RHPN2: variants seen among roughly 807,000 people sequenced by gnomAD.
The protein encoded by RHPN2 is rhophilin-2.
In RHPN2, 40 loss-of-function variants were observed where a neutral mutation model predicts 79.0. That is an observed-to-expected ratio of 0.51 (90% CI 0.39 to 0.66). The LOEUF is 0.66. Ranked by LOEUF, RHPN2 falls within the 30% of genes least tolerant of loss-of-function variation. The pLI, the probability that RHPN2 is intolerant of heterozygous loss-of-function variation, is 0.00. For missense variants in RHPN2, 686 were observed against 883.5 expected (o/e 0.78, Z 2.83); for synonymous variants, 285 against 363.5 (o/e 0.78, Z 2.46).
At chr19:33,017,350 C>A (rs374668146) in intron 4 of RHPN2, among the ~76,000 whole-genome samples, 2 of 150,726 alleles carry the variant, frequency 1.3e-5, no homozygotes, top group Admixed American at 6.7e-5. Context: ...CTCCAGCCTG[C>A]GCAACAAGAG....
At chr19:33,035,612 G>A (rs767010131) in intron 2 of RHPN2, among the ~76,000 whole-genome samples, 5 of 152,026 alleles carry the variant, frequency 3.3e-5, no homozygotes, top group African/African-American at 7.2e-5. Context: ...AGAGGCGTTC[G>A]AAGGACAGCG....
At chr19:33,038,446 G>A (rs1286345477) in intron 2 of RHPN2, among the ~76,000 whole-genome samples, 1 of 152,008 alleles carries the variant, frequency 6.6e-6, no homozygotes, top group South Asian at 2.1e-4. Flanking sequence ...GCAAGACCCA[G>A]CCTCAAAATG....
Position 33,012,643 on chromosome 19 carries a change from T to A in RHPN2, c.468+4A>T, listed in dbSNP as rs750940679. 6.3e-7 allele frequency: 1 copy of A among 1,590,340 alleles called. No individual in the cohort carries two copies. Among genetic ancestry groups the A allele is most frequent in the Non-Finnish European group, 8.6e-7 (1 of 1,158,382 alleles). On this transcript the variant is annotated splice_donor_region_variant and intron_variant, in intron 5 of 14. Coordinates refer to ENST00000254260, the MANE Select transcript of RHPN2 (RefSeq NM_033103.5). The stretch of plus-strand genomic sequence containing the variant: ...TCCCCTCTCTGCTGCACACAAAAAC[T>A]TACTTGTCTCAGATCCATAAGATCT...
intron 7 of RHPN2, among the ~76,000 whole-genome samples, chr19:33,005,628 C>T (rs1352642086): frequency 7.3e-6 from 1 of 137,636 alleles, no homozygotes; most frequent in Non-Finnish European, 1.6e-5. Flanking sequence ...AAAAAAAAGC[C>T]CTGCCCTGCG....
chr19:33,054,149 C>T (rs1002303878), intron 1 of RHPN2, among the ~76,000 whole-genome samples: 3 of 151,810 alleles, frequency 2.0e-5, no homozygotes, highest in African/African-American at 7.3e-5. Context: ...AGGTGTGAGC[C>T]ACTACATCCA....
chr19:32,998,313 G>A (rs1971719344), intron 10 of RHPN2, among the ~76,000 whole-genome samples: 1 of 152,166 alleles, frequency 6.6e-6, no homozygotes, highest in Non-Finnish European at 1.5e-5. Flanking sequence ...TCTAAGTACA[G>A]CCAAAGGGAT....
chr19:33,064,271 C>G (rs1398117763), intron 1 of RHPN2, among the ~76,000 whole-genome samples: 2 of 152,194 alleles, frequency 1.3e-5, no homozygotes, highest in Non-Finnish European at 2.9e-5. Flanking sequence ...GAAGTCGAGG[C>G]TGCAGTGAGC....
intron 2 of RHPN2, among the ~76,000 whole-genome samples, chr19:33,034,501 G>A (rs1212705437): frequency 6.6e-6 from 1 of 151,462 alleles, no homozygotes; most frequent in East Asian, 2.0e-4. Flanking sequence ...AACTACTCGG[G>A]AGGCTGAGGC....
chr19:33,060,526 C>CTTTG (rs879801848), intron 1 of RHPN2, among the ~76,000 whole-genome samples: 4 of 150,774 alleles, frequency 2.7e-5, no homozygotes, highest in African/African-American at 4.9e-5. Context: ...ACGGCCGTTT[C>CTTTG]TTTGTTTGTT....
intron 3 of RHPN2, among the ~76,000 whole-genome samples, chr19:33,026,014 CAG>C (rs1248648104): frequency 7.5e-6 from 1 of 132,560 alleles, no homozygotes; most frequent in Admixed American, 8.2e-5. Flanking sequence ...TGTTTTGAGA[CAG>C]AGTCTTGCTC....
At chr19:32,989,537 G>A (rs1971638213) in intron 14 of RHPN2, among the ~76,000 whole-genome samples, 1 of 152,054 alleles carries the variant, frequency 6.6e-6, no homozygotes, top group South Asian at 2.1e-4. Context: ...AACTTTCACA[G>A]GTTGTCTTAA....
Position 32,996,088 on chromosome 19 carries a change from G to GT in RHPN2, c.1357dup (p.Thr453AsnfsTer10). ...ATCCTCCTCCTGGTGCTGGGCGTAC[G>GT]TGAGCCGGGAGCGTTCCTGTGCGGC... On this transcript the variant is annotated frameshift_variant, in exon 11 of 15. Coordinates refer to ENST00000254260, the MANE Select transcript of RHPN2 (RefSeq NM_033103.5). LOFTEE classifies it high-confidence loss of function. The GT allele has an allele frequency of 6.2e-7, 1 of 1,614,030 alleles. No individual in the cohort carries two copies.
In RHPN2 at chr19:32,991,834, A is replaced by C; in HGVS notation, c.1633T>G (p.Cys545Gly). The part of the protein sequence containing the change: ...PVQVHFLDPY[C>G]SASVAGAREG... ...AAGCATGTGCTTACCGAGGCAGAGCAGTAAGGATCCAGGAAGTGAACCTGA... is the reference window on the plus strand; with the variant it reads ...AAGCATGTGCTTACCGAGGCAGAGCCGTAAGGATCCAGGAAGTGAACCTGA... Residue 545 changes from cysteine to glycine, a missense_variant, in exon 13 of 15, where the codon TGC becomes GGC. Transcript: ENST00000254260. 1.2e-6 allele frequency: 2 copies of C among 1,613,998 alleles called. No homozygotes were observed. The highest frequency in any genetic ancestry group is 2.2e-5 in the South Asian group (2 of 91,084).
intron 5 of RHPN2, among the ~76,000 whole-genome samples, chr19:33,012,407 C>G (rs1971842572): frequency 6.6e-6 from 1 of 152,046 alleles, no homozygotes; most frequent in Non-Finnish European, 1.5e-5. Flanking sequence ...GAACTCCTGA[C>G]CTCAGGTGAT....
chr19:33,062,740 C>T (rs1446096746), intron 1 of RHPN2, among the ~76,000 whole-genome samples: 1 of 150,456 alleles, frequency 6.6e-6, no homozygotes, highest in Non-Finnish European at 1.5e-5. Flanking sequence ...TGCACTCCAG[C>T]CTGAGCGACA....
Position 33,013,121 on chromosome 19 carries a change from C to CA in RHPN2, c.391-398_391-397insT, listed in dbSNP as rs1971848720. Reference sequence around the variant, plus strand: ...AAACTTCTGACCTCAGGTGATCCCCCCACCTCGCCCTCCCAAAGTGCTGGG... The same window carrying CA: ...AAACTTCTGACCTCAGGTGATCCCCCACACCTCGCCCTCCCAAAGTGCTGGG... On this transcript the variant is annotated intron_variant, in intron 4 of 14. Transcript: ENST00000254260. 2.6e-5 allele frequency among the ~76,000 whole-genome samples: 4 copies of CA among 151,906 alleles called. No individual in the cohort carries two copies. The South Asian group carries it at 8.3e-4, about 32-fold the overall frequency.
Position 33,026,528 on chromosome 19 carries a change from G to GAGAT in RHPN2, c.286_289dup (p.Ser97TyrfsTer44). The GAGAT allele has an allele frequency of 6.2e-7, 1 of 1,608,346 alleles. No individual in the cohort carries two copies. Among genetic ancestry groups the GAGAT allele is most frequent in the Non-Finnish European group, 8.5e-7 (1 of 1,179,706 alleles). ...CTCTGTGTTCTGATAGACGCCCACC[G>GAGAT]AGATGTTCAGCCCCTCCAGCTCTTC... is the stretch of plus-strand genomic sequence containing the variant. On this transcript the variant is annotated frameshift_variant, in exon 3 of 15. Coordinates refer to ENST00000254260, the MANE Select transcript of RHPN2 (RefSeq NM_033103.5). LOFTEE classifies it high-confidence loss of function.
chr19:32,985,369 GC>G lies in RHPN2; in HGVS notation c.1801-5114del, dbSNP rs559246809. ...AGAAATTATTTGGCCGGGCATGCTG[GC>G]TTATGCCTGTAATCCCGGCACTTTG... On this transcript the variant is annotated intron_variant, in intron 14 of 14. Coordinates refer to ENST00000254260, the MANE Select transcript of RHPN2 (RefSeq NM_033103.5). Among the ~76,000 whole-genome samples, 8 of 152,268 alleles carry G rather than the reference GC, an allele frequency of 5.3e-5. No homozygotes were observed. In the East Asian group the frequency reaches 1.5e-3, roughly 29 times the overall value.
At chr19:33,057,254 G>A (rs1349734941) in intron 1 of RHPN2, among the ~76,000 whole-genome samples, 3 of 150,994 alleles carry the variant, frequency 2.0e-5, no homozygotes, top group Non-Finnish European at 4.4e-5. Flanking sequence ...GAGACAGGAG[G>A]ATCACTGGAG....
Sources: gnomAD v4.1 joint callset for allele counts (sites outside exome capture counted in the v4.1 genomes callset) on GRCh38, gnomAD v4.1.1 for gene constraint, MANE v1.5 for transcripts, NCBI Gene and HGNC (gene_info 2026-07-23, HGNC 2026-07-21) for gene names.